HSD17B12: variants seen among roughly 807,000 people sequenced by gnomAD.
HSD17B12 encodes very-long-chain 3-oxoacyl-CoA reductase.
HSD17B12 carries 32 observed loss-of-function variants against 39.3 expected under a neutral mutation model. That is an observed-to-expected ratio of 0.81 (90% confidence interval 0.61 to 1.09). The LOEUF is 1.09. Among genes scored for constraint, HSD17B12 ranks in the 50% least tolerant of loss-of-function variants. The pLI, the probability that HSD17B12 is intolerant of heterozygous loss-of-function variation, is 0.00. For synonymous variants in HSD17B12, 150 were observed against 146.7 expected, an observed-to-expected ratio of 1.02 and a Z score of -0.16; for missense variants, 342 against 382.9, an observed-to-expected ratio of 0.89 and a Z score of 0.89.
intron 3 of HSD17B12, among the ~76,000 whole-genome samples, chr11:43,776,372 T>C (rs1262283962): frequency 6.6e-6 from 1 of 150,842 alleles, no homozygotes; most frequent in East Asian, 1.9e-4. Context: ...TGAGCATTTT[T>C]TCATGTGTGT....
chr11:43,758,094 C>T (rs1950527604), intron 3 of HSD17B12, among the ~76,000 whole-genome samples: 1 of 152,200 alleles, frequency 6.6e-6, no homozygotes, highest in Non-Finnish European at 1.5e-5. Flanking sequence ...TTCCAAGTTT[C>T]AGTCAGCCAA....
chr11:43,774,302 C>A (rs890313023), intron 3 of HSD17B12, among the ~76,000 whole-genome samples: 1 of 152,060 alleles, frequency 6.6e-6, no homozygotes, highest in African/African-American at 2.4e-5. Context: ...CAACCTCTGC[C>A]TCCCAGGTTC....
the HSD17B12 span, among the ~76,000 whole-genome samples, chr11:43,614,494 A>G: frequency 1.3e-5 from 2 of 152,148 alleles, no homozygotes; most frequent in African/African-American, 2.4e-5. Context: ...GATTTCAGCA[A>G]TGTGACTACA....
chr11:43,644,045 A>G, the HSD17B12 span, among the ~76,000 whole-genome samples: 1 of 152,192 alleles, frequency 6.6e-6, no homozygotes, highest in African/African-American at 2.4e-5. Context: ...GCGTAACTAT[A>G]GGTGTTTGAG....
intron 3 of HSD17B12, among the ~76,000 whole-genome samples, chr11:43,756,078 T>C (rs757176753): frequency 4.6e-5 from 7 of 152,152 alleles, no homozygotes; most frequent in Non-Finnish European, 1.0e-4. Context: ...GCCCCCATGG[T>C]TCAATTGTCT....
At chr11:43,648,952 G>A in the HSD17B12 span, among the ~76,000 whole-genome samples, 3 of 152,162 alleles carry the variant, frequency 2.0e-5, no homozygotes, top group African/African-American at 4.8e-5. Context: ...GGCTGGTCTC[G>A]AACTTCAGAC....
At chr11:43,683,310 A>G (rs1259269304) in intron 1 of HSD17B12, among the ~76,000 whole-genome samples, 1 of 152,060 alleles carries the variant, frequency 6.6e-6, no homozygotes, top group African/African-American at 2.4e-5. Context: ...TGAAATTTGA[A>G]CTGGAACACT....
chr11:43,814,164 A>AT (rs59845637), intron 4 of HSD17B12, among the ~76,000 whole-genome samples: 22 of 148,988 alleles, frequency 1.5e-4, no homozygotes, highest in South Asian at 6.3e-4. Context: ...AGTTATTATG[A>AT]TTTTTTTTTT....
intron 1 of HSD17B12, among the ~76,000 whole-genome samples, chr11:43,739,187 G>A (rs1402936283): frequency 6.6e-6 from 1 of 152,266 alleles, no homozygotes; most frequent in Non-Finnish European, 1.5e-5. Flanking sequence ...TTTCAGTCGG[G>A]TGTGACAAGA....
chr11:43,802,104 G>C (rs1950975903), intron 4 of HSD17B12, among the ~76,000 whole-genome samples: 1 of 151,926 alleles, frequency 6.6e-6, no homozygotes, highest in South Asian at 2.1e-4. Flanking sequence ...TCCTGCGTCA[G>C]CCTCCTGAGT....
intron 3 of HSD17B12, among the ~76,000 whole-genome samples, chr11:43,793,243 A>G (rs1337419319): frequency 2.0e-5 from 3 of 152,210 alleles, no homozygotes; most frequent in Non-Finnish European, 4.4e-5. Flanking sequence ...TAATAATGTT[A>G]TAATATGGAA....
At chr11:43,570,807 C>G in the HSD17B12 span, among the ~76,000 whole-genome samples, 1 of 152,156 alleles carries the variant, frequency 6.6e-6, no homozygotes, top group African/African-American at 2.4e-5. Flanking sequence ...ATTTTCTCCC[C>G]TCCCCTTTTC....
the HSD17B12 span, among the ~76,000 whole-genome samples, chr11:43,654,860 G>T: frequency 2.6e-5 from 4 of 152,160 alleles, no homozygotes; most frequent in Non-Finnish European, 5.9e-5. Context: ...TTTGGCTTAG[G>T]ATTGACTTGG....
the HSD17B12 span, among the ~76,000 whole-genome samples, chr11:43,612,049 A>G: frequency 6.6e-6 from 1 of 152,138 alleles, no homozygotes; most frequent in Non-Finnish European, 1.5e-5. Context: ...AATTCCAAAC[A>G]TTCTTTCTAC....
At chr11:43,761,706 G>A (rs1479874292) in intron 3 of HSD17B12, among the ~76,000 whole-genome samples, 1 of 152,224 alleles carries the variant, frequency 6.6e-6, no homozygotes, top group African/African-American at 2.4e-5. Flanking sequence ...TGGGACTGTT[G>A]ACTAGAACAC....
chr11:43,631,956 A>G, the HSD17B12 span, among the ~76,000 whole-genome samples: 22 of 151,900 alleles, frequency 1.4e-4, no homozygotes, highest in African/African-American at 5.3e-4. Flanking sequence ...CCTGGGTTGG[A>G]GAGGGCTCTG....
intron 1 of HSD17B12, among the ~76,000 whole-genome samples, chr11:43,741,194 T>A (rs1950361261): frequency 6.6e-6 from 1 of 152,216 alleles, no homozygotes; most frequent in South Asian, 2.1e-4. Context: ...TATTTTTAAA[T>A]TTTGACATTC....
At chr11:43,720,733 C>G (rs1950168852) in intron 1 of HSD17B12, among the ~76,000 whole-genome samples, 1 of 152,162 alleles carries the variant, frequency 6.6e-6, no homozygotes, top group Admixed American at 6.5e-5. Context: ...TAATCTATTG[C>G]ACCTAGTAAG....
chr11:43,855,212 A>C lies in HSD17B12; in HGVS notation c.903A>C (p.Thr301=), dbSNP rs142415588. The C allele has an allele frequency of 1.9e-6, 3 of 1,610,590 alleles. No homozygotes were observed. Among genetic ancestry groups the C allele is most frequent in the African/African-American group, 1.3e-5 (1 of 74,774 alleles). Residue 301 remains threonine (T), a synonymous_variant, in exon 11 of 11, where the codon ACA becomes ACC. Coordinates refer to ENST00000278353, the MANE Select transcript of HSD17B12 (RefSeq NM_016142.3). ...TAGTCATGAATATGAACAAGTCTAC[A>C]CGGGCTCACTATCTGAAGAAAACCA... is the stretch of plus-strand genomic sequence containing the variant. The part of the protein sequence containing the change: ...LKIVMNMNKS[T]RAHYLKKTKK...
Sources: allele counts gnomAD v4.1 joint callset (sites outside exome capture counted in the v4.1 genomes callset), GRCh38; gene constraint gnomAD v4.1.1; transcripts MANE v1.5; gene names NCBI Gene and HGNC (gene_info 2026-07-23, HGNC 2026-07-21).